The following DLGAP3 variants were observed in gnomAD, a reference collection of about 807,000 sequenced individuals.
DLGAP3 encodes the protein disks large-associated protein 3.
DLGAP3 carries 17 observed loss-of-function variants against 81.2 expected under a neutral mutation model. The observed-to-expected ratio is 0.21, with a 90% CI of 0.14 to 0.31. DLGAP3 has a LOEUF of 0.31. Ranked by LOEUF, DLGAP3 falls within the 10% of genes least tolerant of loss-of-function variation. DLGAP3 has a pLI of 1.00. For synonymous variants in DLGAP3, 577 were observed against 587.4 expected (o/e 0.98, Z 0.26); for missense variants, 1,124 against 1,388.0 (o/e 0.81, Z 3.02).
chr1:34,868,734 C>CTGAGTCGGGGAGGCTACG lies in DLGAP3; in HGVS notation c.2338_2355dup (p.Arg780_Ser785dup). ...TCGCGTGGGCAGGGGGATGCGCGGC[C>CTGAGTCGGGGAGGCTACG]TGAGTCGGGGAGGCTACGTGAACCG... On this transcript the variant is annotated inframe_insertion, in exon 9 of 12. Coordinates refer to ENST00000373347, the MANE Select transcript of DLGAP3 (RefSeq NM_001080418.3). This position sits in a 1 kb window ranked among gnomAD's most constrained non-coding sequence, Gnocchi z 7.5. 6.2e-7 allele frequency: 1 copy of CTGAGTCGGGGAGGCTACG among 1,609,280 alleles called. No homozygotes were observed. Among genetic ancestry groups the CTGAGTCGGGGAGGCTACG allele is most frequent in the Non-Finnish European group, 8.5e-7 (1 of 1,179,916 alleles).
chr1:34,908,491 A>T (rs1639592499), intron 1 of DLGAP3, among the ~76,000 whole-genome samples: 1 of 152,082 alleles, frequency 6.6e-6, no homozygotes, highest in South Asian at 2.1e-4. Flanking sequence ...TCTGGCAGAC[A>T]GGAAATGGCA....
rs867822415 is a variant in DLGAP3, at chr1:34,893,158, G to A, written c.1386+6511C>T. On this transcript the variant is annotated intron_variant, in intron 5 of 11. Transcript: ENST00000373347. Reference sequence around the variant, plus strand: ...CTGCAGTCCGCAGTCCGGCCTGGGCGACAGAGCGAGACTCCGTCTCAAAAA... The same window carrying A: ...CTGCAGTCCGCAGTCCGGCCTGGGCAACAGAGCGAGACTCCGTCTCAAAAA... Among the ~76,000 whole-genome samples, 715 of 129,210 alleles carry A rather than the reference G, an allele frequency of 5.5e-3. 9 individuals are homozygous for A. The highest frequency in any genetic ancestry group is 0.02 in the African/African-American group (674 of 34,344). The allele number at this position is 129,210 out of a possible 152,430, so 84.8% of individuals were successfully genotyped here. A position where few individuals can be genotyped will look rare whatever the true frequency, so the allele number is the denominator to read the frequency against.
chr1:34,919,648 C>T (rs377138327), intron 1 of DLGAP3, among the ~76,000 whole-genome samples: 21 of 152,250 alleles, frequency 1.4e-4, no homozygotes, highest in East Asian at 1.2e-3. Flanking sequence ...GGCGTGGTGG[C>T]AAGTGCCTGT....
chr1:34,906,083 CAT>C (rs1025258367), intron 2 of DLGAP3, among the ~76,000 whole-genome samples: 8 of 109,892 alleles, frequency 7.3e-5, no homozygotes, highest in South Asian at 3.3e-4. Context: ...TTTATAAATG[CAT>C]ATATATTTTT....
intron 1 of DLGAP3, among the ~76,000 whole-genome samples, chr1:34,928,797 G>A (rs1639911566): frequency 6.6e-6 from 1 of 150,840 alleles, no homozygotes. Flanking sequence ...CAGTCACGCC[G>A]GCACACACAT....
Position 34,866,020 on chromosome 1 carries a change from C to A in DLGAP3, c.*63G>T. The A allele has an allele frequency of 1.4e-6, 2 of 1,418,380 alleles. No homozygotes were observed. Among genetic ancestry groups the A allele is most frequent in the Non-Finnish European group, 9.6e-7 (1 of 1,038,750 alleles). The allele number at this position is 1,418,380 out of a possible 1,614,324, so 87.9% of individuals were successfully genotyped here. A position where few individuals can be genotyped will look rare whatever the true frequency, so the allele number is the denominator to read the frequency against. ...CGGCCCGCGTTCACAGTGACCTCGACGCTGGGTGTACAGTACGGGTGGAGA... is the reference window on the plus strand; with the variant it reads ...CGGCCCGCGTTCACAGTGACCTCGAAGCTGGGTGTACAGTACGGGTGGAGA... On this transcript the variant is annotated 3_prime_UTR_variant, in exon 12 of 12. Coordinates refer to ENST00000373347, the MANE Select transcript of DLGAP3 (RefSeq NM_001080418.3).
At chr1:34,879,075 A>G (rs949793807) in intron 8 of DLGAP3, among the ~76,000 whole-genome samples, 36 of 151,956 alleles carry the variant, frequency 2.4e-4, no homozygotes, top group Admixed American at 2.4e-3. Flanking sequence ...GCCTCAAAAA[A>G]AAAAAAGAAA....
At position 34,902,869 on chromosome 1, in the gene DLGAP3, G is replaced by A. The variant is rs1328840932; in HGVS notation, c.1107+1408C>T. The stretch of plus-strand genomic sequence containing the variant: ...AGCGAAATGGCAACAAGTCTTCAGG[G>A]ATGGCAAGGAATCGGCTATGGGGGA... On this transcript the variant is annotated intron_variant, in intron 3 of 11. Transcript: ENST00000373347. This position sits in a 1 kb window ranked among gnomAD's most constrained non-coding sequence, Gnocchi z 4.4. Among the ~76,000 whole-genome samples the A allele has an allele frequency of 7.9e-5, 12 of 152,090 alleles. No individual in the cohort carries two copies.
rs772219410 is a variant in DLGAP3, at chr1:34,866,071, G to A, written c.*12C>T. Reference sequence around the variant, plus strand: ...ACCGCGGGCCCGGGCCGGGCTGGGCGGGCCGGACCGGTCACAGCCTGGTCT... The same window carrying A: ...ACCGCGGGCCCGGGCCGGGCTGGGCAGGCCGGACCGGTCACAGCCTGGTCT... On this transcript the variant is annotated 3_prime_UTR_variant, in exon 12 of 12. Coordinates refer to ENST00000373347, the MANE Select transcript of DLGAP3 (RefSeq NM_001080418.3). The A allele has an allele frequency of 1.0e-5, 16 of 1,589,606 alleles. No individual in the cohort carries two copies. Among genetic ancestry groups the A allele is most frequent in the African/African-American group, 1.3e-5 (1 of 74,568 alleles).
chr1:34,928,277 AG>A (rs1474999869), intron 1 of DLGAP3, among the ~76,000 whole-genome samples: 1 of 152,184 alleles, frequency 6.6e-6, no homozygotes, highest in African/African-American at 2.4e-5. Context: ...GATGACTAAC[AG>A]GGCAGACGCT....
At chr1:34,927,273 A>G (rs980173424) in intron 1 of DLGAP3, among the ~76,000 whole-genome samples, 1 of 152,224 alleles carries the variant, frequency 6.6e-6, no homozygotes, top group Non-Finnish European at 1.5e-5. Flanking sequence ...GGGAGAGTTC[A>G]GGAATAGAAG....
intron 8 of DLGAP3, among the ~76,000 whole-genome samples, chr1:34,870,571 C>T (rs1474615264): frequency 6.6e-6 from 1 of 152,212 alleles, no homozygotes; most frequent in African/African-American, 2.4e-5. Context: ...GCCATAGAAA[C>T]CAGGCCCAGA....
intron 5 of DLGAP3, among the ~76,000 whole-genome samples, chr1:34,898,309 G>A (rs1230791961): frequency 1.3e-5 from 2 of 152,206 alleles, no homozygotes; most frequent in South Asian, 2.1e-4. Flanking sequence ...AGCAGCCAGG[G>A]AGGGAATCTA....
chr1:34,893,086 G>T (rs959601255), intron 5 of DLGAP3, among the ~76,000 whole-genome samples: 1 of 151,000 alleles, frequency 6.6e-6, no homozygotes, highest in African/African-American at 2.4e-5. Flanking sequence ...GCAGGAGAAT[G>T]GCGTGAACCC....
chr1:34,913,554 AT>A lies in DLGAP3; in HGVS notation c.-134-6118del, dbSNP rs1639670650. Among the ~76,000 whole-genome samples the A allele has an allele frequency of 2.0e-5, 3 of 152,306 alleles. No homozygotes were observed. The South Asian group carries it at 6.2e-4, about 32-fold the overall frequency. ...CTGCTTCATTGCCCTCAGAGCACTG[AT>A]TGCCCTTTGAAATTATTTTCTTTGT... On this transcript the variant is annotated intron_variant, in intron 1 of 11. Coordinates refer to ENST00000373347, the MANE Select transcript of DLGAP3 (RefSeq NM_001080418.3).
intron 1 of DLGAP3, among the ~76,000 whole-genome samples, chr1:34,910,383 T>C (rs1234103409): frequency 6.6e-6 from 1 of 152,230 alleles, no homozygotes; most frequent in East Asian, 1.9e-4. Flanking sequence ...CCAATCCAAA[T>C]GGTCATTTGA....
At chr1:34,918,095 G>C (rs971371480) in intron 1 of DLGAP3, among the ~76,000 whole-genome samples, 1 of 152,184 alleles carries the variant, frequency 6.6e-6, no homozygotes, top group African/African-American at 2.4e-5. Flanking sequence ...AACCCTCAGA[G>C]GGGGGGTCTC....
rs540159412 is a variant in DLGAP3 at position 34,867,555 on chromosome 1, C to A, written c.2558G>T (p.Arg853Leu). 840 of 1,613,912 alleles carry A rather than the reference C, an allele frequency of 5.2e-4. 15 individuals are homozygous for A. The South Asian group carries it at 8.9e-3, about 17-fold the overall frequency. Residue 853 changes from arginine to leucine, a missense_variant, in exon 10 of 12, where the codon CGG becomes CTG. Physicochemically the swap from Arg to Leu is moderately radical, Grantham distance 102 (BLOSUM62 -2). This residue lies in a region of DLGAP3 where 133 missense variants were observed against 171.1 expected (regional missense o/e 0.78). Transcript: ENST00000373347. The surrounding 1 kb of genome is among the most constrained non-coding windows in gnomAD (Gnocchi z 4.3). ...ACTCACCATGCTTTGCTGACACAGCCGGAAGAACTGCTGAACCTTCTGGGA... is the reference window on the plus strand; with the variant it reads ...ACTCACCATGCTTTGCTGACACAGCAGGAAGAACTGCTGAACCTTCTGGGA... ...LLSQKVQQFF[R>L]LCQQSMDPTA...
intron 1 of DLGAP3, among the ~76,000 whole-genome samples, chr1:34,920,645 G>A (rs1639782252): frequency 6.6e-6 from 1 of 152,134 alleles, no homozygotes; most frequent in Non-Finnish European, 1.5e-5. Context: ...TATGACAACA[G>A]GTTCCTAACT....
Sources: gnomAD v4.1 joint callset for allele counts (sites outside exome capture counted in the v4.1 genomes callset) on GRCh38, gnomAD v4.1.1 for gene constraint, gnomAD v4.1.1 regional missense constraint, Gnocchi (gnomAD v3.1) non-coding constraint, MANE v1.5 for transcripts, NCBI Gene and HGNC (gene_info 2026-07-23, HGNC 2026-07-21) for gene names.